Variants in LIMS1 observed in about 807,000 individuals in gnomAD.
LIMS1 encodes LIM zinc finger domain containing 1, also known as LIM and senescent cell antigen-like-containing domain protein 1.
Under a neutral mutation model 44.1 loss-of-function variants are expected in LIMS1, and 18 were observed. That is an observed-to-expected ratio of 0.41 (90% CI 0.28 to 0.61). The LOEUF is 0.61. Ranked by LOEUF, LIMS1 falls within the 20% of genes least tolerant of loss-of-function variation. The pLI is 0.32. For synonymous variants in LIMS1, 93 were observed against 149.1 expected (o/e 0.62, Z 2.74); for missense variants, 201 against 422.0 (o/e 0.48, Z 4.59).
At chr2:108,664,379 A>G (rs891609458) in intron 2 of LIMS1, among the ~76,000 whole-genome samples, 3 of 152,360 alleles carry the variant, frequency 2.0e-5, no homozygotes, top group Admixed American at 2.0e-4. Flanking sequence ...AACTTAAAAC[A>G]GTTAGAGCCA....
At chr2:108,669,870 A>C (rs193005118) in intron 2 of LIMS1, among the ~76,000 whole-genome samples, 2,738 of 152,310 alleles carry the variant, frequency 0.018, 47 homozygotes, top group African/African-American at 0.039. Context: ...ACTATCACTA[A>C]GATATGCTTT....
chr2:108,552,473 T>C (rs1684784966), intron 1 of LIMS1, among the ~76,000 whole-genome samples: 1 of 146,280 alleles, frequency 6.8e-6, no homozygotes, highest in Admixed American at 6.9e-5. Flanking sequence ...TAATATATAA[T>C]AGTAATACAT....
rs962437671 is a variant in LIMS1 at position 108,583,088 on chromosome 2, G to A, written c.32+48494G>A. Among the ~76,000 whole-genome samples, 4 of 151,968 alleles carry A rather than the reference G, an allele frequency of 2.6e-5. No individual in the cohort carries two copies. The South Asian group carries it at 8.3e-4, about 32-fold the overall frequency. ...AGTTTCATTCTTATTGCCCAGGCTG[G>A]AGTGCAGTGGCGTGATCTCAGCTCA... On this transcript the variant is annotated intron_variant, in intron 1 of 9. Coordinates refer to ENST00000544547, the Ensembl canonical transcript of LIMS1.
At chr2:108,533,778 C>G (rs1684003905), upstream of LIMS1, 1 of 152,430 alleles carries the variant, frequency 6.6e-6, no homozygotes, top group Non-Finnish European at 1.5e-5. Flanking sequence ...GAACAGGATG[C>G]AGAGGCAAGA....
intron 1 of LIMS1, among the ~76,000 whole-genome samples, chr2:108,572,003 G>A (rs369050826): frequency 5.2e-4 from 79 of 152,316 alleles, no homozygotes; most frequent in African/African-American, 1.9e-3. Context: ...TGGAAAATAT[G>A]CATTTAGTGT....
At chr2:108,646,394 G>A (rs1000879753) in intron 1 of LIMS1, among the ~76,000 whole-genome samples, 17 of 152,114 alleles carry the variant, frequency 1.1e-4, no homozygotes, top group African/African-American at 3.9e-4. Context: ...GGTAAATAAC[G>A]AAATGAGGGC....
intron 1 of LIMS1, among the ~76,000 whole-genome samples, chr2:108,534,808 C>A (rs768334739): frequency 8.6e-5 from 13 of 151,898 alleles, no homozygotes; most frequent in Non-Finnish European, 1.5e-4. Flanking sequence ...CCCGGGTGTC[C>A]GCGGTGGCAC....
chr2:108,581,524 C>A (rs796511686), intron 1 of LIMS1, among the ~76,000 whole-genome samples: 14 of 152,180 alleles, frequency 9.2e-5, no homozygotes, highest in African/African-American at 3.4e-4. Context: ...TTGTATTGTT[C>A]CTCAGATTTT....
intron 1 of LIMS1, among the ~76,000 whole-genome samples, chr2:108,566,008 C>A (rs1290339990): frequency 2.0e-5 from 3 of 152,210 alleles, no homozygotes; most frequent in Non-Finnish European, 4.4e-5. Flanking sequence ...GGAGGGAACA[C>A]AAACATTCAC....
At chr2:108,600,511 T>C (rs1288874803) in intron 1 of LIMS1, among the ~76,000 whole-genome samples, 1 of 152,260 alleles carries the variant, frequency 6.6e-6, no homozygotes, top group Non-Finnish European at 1.5e-5. Flanking sequence ...GATCTTAGAT[T>C]TAAGTCTTTA....
At chr2:108,571,495 A>T (rs1347794608) in intron 1 of LIMS1, among the ~76,000 whole-genome samples, 1 of 152,174 alleles carries the variant, frequency 6.6e-6, no homozygotes, top group Non-Finnish European at 1.5e-5. Flanking sequence ...ATAAACAGGA[A>T]ATATACCTCT....
intron 1 of LIMS1, among the ~76,000 whole-genome samples, chr2:108,642,955 T>C (rs529498746): frequency 6.6e-6 from 1 of 152,322 alleles, no homozygotes; most frequent in South Asian, 2.1e-4. Flanking sequence ...AACCAAGCTA[T>C]TGGACTCATG....
At chr2:108,684,585 G>A (rs1211984232) in exon 10 of LIMS1, 1 of 151,958 alleles carries the variant, frequency 6.6e-6, no homozygotes, top group Admixed American at 6.6e-5. Flanking sequence ...TAATTATTAT[G>A]CTTAGTTTTA....
At position 108,559,682 on chromosome 2, in the gene LIMS1, G is replaced by T. The variant is rs78553375; in HGVS notation, c.32+25088G>T. 4.4e-3 allele frequency among the ~76,000 whole-genome samples: 672 copies of T among 152,236 alleles called. 4 individuals are homozygous for T. The highest frequency in any genetic ancestry group is 0.014 in the South Asian group (67 of 4,826). ...GTGAAATTGGAAATATTCTGTCTTCGATGTGCTTGTTATAGAATCTATATC... is the reference window on the plus strand; with the variant it reads ...GTGAAATTGGAAATATTCTGTCTTCTATGTGCTTGTTATAGAATCTATATC... On this transcript the variant is annotated intron_variant, in intron 1 of 9. Coordinates refer to ENST00000544547, the Ensembl canonical transcript of LIMS1.
chr2:108,676,993 A>G (rs71421333), intron 7 of LIMS1: 7 of 344,958 alleles, frequency 2.0e-5, no homozygotes, highest in African/African-American at 6.4e-5. Context: ...TGTTTTGCCA[A>G]TAAGTTCATC....
intron 1 of LIMS1, among the ~76,000 whole-genome samples, chr2:108,577,778 A>G (rs1025097066): frequency 6.6e-6 from 1 of 152,246 alleles, no homozygotes; most frequent in African/African-American, 2.4e-5. Flanking sequence ...GGAACTTAAT[A>G]AAGTATTTTG....
At chr2:108,600,342 C>T (rs1358473982) in intron 1 of LIMS1, among the ~76,000 whole-genome samples, 2 of 151,780 alleles carry the variant, frequency 1.3e-5, no homozygotes, top group Admixed American at 6.6e-5. Context: ...TGAGCCACCA[C>T]GCCTGGCCTT....
chr2:108,554,301 T>A (rs927375558), intron 1 of LIMS1, among the ~76,000 whole-genome samples: 1 of 152,192 alleles, frequency 6.6e-6, no homozygotes, highest in African/African-American at 2.4e-5. Flanking sequence ...TATTGCCCTT[T>A]ACATCTTCTT....
chr2:108,603,719 C>G (rs2104729452), intron 1 of LIMS1, among the ~76,000 whole-genome samples: 1 of 152,090 alleles, frequency 6.6e-6, no homozygotes, highest in African/African-American at 2.4e-5. Context: ...TCCCAAAGTA[C>G]TGTGAGCCAC....
Sources: allele counts gnomAD v4.1 joint callset (sites outside exome capture counted in the v4.1 genomes callset), GRCh38; gene constraint gnomAD v4.1.1; transcripts MANE v1.5; gene names NCBI Gene and HGNC (gene_info 2026-07-23, HGNC 2026-07-21).